Variants in UST observed in about 807,000 individuals in gnomAD.
The protein encoded by UST is uronyl 2-sulfotransferase.
A neutral mutation model predicts 45.6 loss-of-function variants in UST; 21 were observed. The observed-to-expected ratio is 0.46, with a 90% CI of 0.33 to 0.66. The LOEUF (loss-of-function observed/expected upper bound fraction) is 0.66, where lower values mean the gene tolerates loss of function less well. UST is among the 30% of genes least tolerant of loss of function. The pLI is 0.02. For missense variants in UST, 463 were observed against 512.4 expected (o/e 0.90, Z 0.93); for synonymous variants, 215 against 200.6 (o/e 1.07, Z -0.61).
At chr6:148,911,193 G>T (rs545187106) in intron 2 of UST, among the ~76,000 whole-genome samples, 3 of 152,234 alleles carry the variant, frequency 2.0e-5, no homozygotes, top group South Asian at 2.1e-4. Context: ...CCCCAGGATC[G>T]TGTGTCTGAG....
intron 5 of UST, 39 bp downstream of exon 5, chr6:148,964,602 C>T: frequency 6.2e-7 from 1 of 1,607,252 alleles, no homozygotes; most frequent in South Asian, 1.1e-5. Flanking sequence ...CTCCCCACTG[C>T]CTGAGGAGTG....
intron 7 of UST, among the ~76,000 whole-genome samples, chr6:149,041,883 C>T (rs1776319854): frequency 6.6e-6 from 1 of 152,174 alleles, no homozygotes; most frequent in Admixed American, 6.5e-5. Context: ...CCTAATAGAT[C>T]ATTCTAGAAC....
At chr6:148,795,661 C>T (rs773328439) in intron 1 of UST, among the ~76,000 whole-genome samples, 7 of 152,110 alleles carry the variant, frequency 4.6e-5, no homozygotes, top group Non-Finnish European at 5.9e-5. Context: ...GTGGGATGGG[C>T]GTGGGTCTGT....
intron 1 of UST, among the ~76,000 whole-genome samples, chr6:148,796,617 CTG>C (rs1395432774): frequency 1.1e-5 from 1 of 87,916 alleles, no homozygotes. Context: ...GGGCAAGACT[CTG>C]TCTCAAAAAA....
intron 1 of UST, among the ~76,000 whole-genome samples, chr6:148,884,580 G>T (rs1268781122): frequency 6.6e-6 from 1 of 152,114 alleles, no homozygotes; most frequent in African/African-American, 2.4e-5. Context: ...GTGGTGGCTA[G>T]TGGTGCATGG....
chr6:148,750,002 T>C (rs550723672), intron 1 of UST, among the ~76,000 whole-genome samples: 1 of 152,364 alleles, frequency 6.6e-6, no homozygotes, highest in Admixed American at 6.5e-5. Context: ...ATAAGGCCAC[T>C]GTGTCTGCAG....
At chr6:148,831,914 G>A (rs1447634708) in intron 1 of UST, among the ~76,000 whole-genome samples, 1 of 152,228 alleles carries the variant, frequency 6.6e-6, no homozygotes, top group African/African-American at 2.4e-5. Flanking sequence ...TTGACTCACT[G>A]CAGTTAAACT....
chr6:148,886,972 C>A lies in UST; in HGVS notation c.248-14C>A, dbSNP rs1439525853. 2 of 1,609,840 alleles carry A rather than the reference C, an allele frequency of 1.2e-6. No homozygotes were observed. Among genetic ancestry groups the A allele is most frequent in the South Asian group, 2.2e-5 (2 of 90,184 alleles). On this transcript the variant is annotated splice_polypyrimidine_tract_variant and intron_variant, in intron 1 of 7. Transcript: ENST00000367463. Reference sequence around the variant, plus strand: ...TAAAAAACGGATTCATCAACTTTTTCCTTTATTTTCTAGGAAATTCCACTT... The same window carrying A: ...TAAAAAACGGATTCATCAACTTTTTACTTTATTTTCTAGGAAATTCCACTT...
At chr6:148,915,737 G>C (rs1244560520) in intron 2 of UST, among the ~76,000 whole-genome samples, 1 of 152,180 alleles carries the variant, frequency 6.6e-6, no homozygotes, top group African/African-American at 2.4e-5. Flanking sequence ...ATGAAAAATA[G>C]GGGAATGCAT....
chr6:149,061,989 T>A (rs567392300), intron 7 of UST, among the ~76,000 whole-genome samples: 1 of 152,334 alleles, frequency 6.6e-6, no homozygotes, highest in East Asian at 1.9e-4. Context: ...CAAATAAATG[T>A]CTTTTTACCC....
chr6:149,072,324 T>C (rs1776831029), intron 7 of UST, among the ~76,000 whole-genome samples: 1 of 152,188 alleles, frequency 6.6e-6, no homozygotes, highest in South Asian at 2.1e-4. Flanking sequence ...AATTGCGTTC[T>C]ATCTATACAA....
At chr6:148,774,561 G>A (rs924798509) in intron 1 of UST, among the ~76,000 whole-genome samples, 12 of 152,140 alleles carry the variant, frequency 7.9e-5, no homozygotes, top group Non-Finnish European at 1.6e-4. Flanking sequence ...GTTTTGTCAT[G>A]TAGAAATAGA....
rs1419092931 is a variant in UST, at chr6:148,790,781, C to G, written c.247+43104C>G. 6.6e-6 allele frequency among the ~76,000 whole-genome samples: 1 copy of G among 152,198 alleles called. No individual in the cohort carries two copies. Among genetic ancestry groups the G allele is most frequent in the Non-Finnish European group, 1.5e-5 (1 of 68,034 alleles). On this transcript the variant is annotated intron_variant, in intron 1 of 7. Coordinates refer to ENST00000367463, the MANE Select transcript of UST (RefSeq NM_005715.3). The surrounding 1 kb of genome is among the most constrained non-coding windows in gnomAD (Gnocchi z 4.2). ...GGGATACAAAGGTCTGATCCCCTTG[C>G]GTCAATCTGGGACAACTCTGATGGG...
intron 7 of UST, among the ~76,000 whole-genome samples, chr6:149,041,483 G>T (rs17081680): frequency 0.038 from 5,841 of 152,238 alleles, 371 homozygotes; most frequent in African/African-American, 0.13. Flanking sequence ...TCTACCTTTT[G>T]TCCCCTTGTC....
Position 148,906,716 on chromosome 6 carries a change from G to A in UST, c.291+19687G>A, listed in dbSNP as rs568338820. On this transcript the variant is annotated intron_variant, in intron 2 of 7. Transcript: ENST00000367463. ...TAACTGTGATTTGGGACAGATTTCA[G>A]AATTTCTGCTGTCCTGTTTCCTCAT... Among the ~76,000 whole-genome samples the A allele has an allele frequency of 2.8e-4, 42 of 152,256 alleles. 3 individuals carry two copies. The South Asian group carries it at 8.7e-3, about 32-fold the overall frequency.
At position 148,858,032 on chromosome 6, in the gene UST, A is replaced by G. The variant is rs117154068; in HGVS notation, c.248-28954A>G. On this transcript the variant is annotated intron_variant, in intron 1 of 7. Coordinates refer to ENST00000367463, the MANE Select transcript of UST (RefSeq NM_005715.3). ...ATTATAGAATATATTGTGTAATGCA[A>G]ACATACACAATGCCTTCTAAGACTG... is the stretch of plus-strand genomic sequence containing the variant. 2.2e-3 allele frequency among the ~76,000 whole-genome samples: 331 copies of G among 152,346 alleles called. 11 individuals are homozygous for G. In the East Asian group the frequency reaches 0.056, roughly 26 times the overall value.
rs1775934203 is a variant in UST at position 148,748,929 on chromosome 6, A to G, written c.247+1252A>G. 6.6e-6 allele frequency among the ~76,000 whole-genome samples: 1 copy of G among 151,986 alleles called. No individual in the cohort carries two copies. The highest frequency in any genetic ancestry group is 6.6e-5 in the Admixed American group (1 of 15,256). ...GGAGAAAAGAGAAAAGAAAAGGAAA[A>G]AAAAAAAACCCAAAACAAACAAACA... On this transcript the variant is annotated intron_variant, in intron 1 of 7. Coordinates refer to ENST00000367463, the MANE Select transcript of UST (RefSeq NM_005715.3). This position sits in a 1 kb window ranked among gnomAD's most constrained non-coding sequence, Gnocchi z 5.3.
intron 1 of UST, among the ~76,000 whole-genome samples, chr6:148,873,353 C>G (rs187153045): frequency 5.9e-5 from 9 of 152,212 alleles, no homozygotes; most frequent in Middle Eastern, 6.8e-3. Flanking sequence ...CCCTCTCCAC[C>G]CCCTGTTATC....
At chr6:148,856,635 C>G (rs963459865) in intron 1 of UST, among the ~76,000 whole-genome samples, 2 of 152,188 alleles carry the variant, frequency 1.3e-5, no homozygotes, top group Admixed American at 1.3e-4. Flanking sequence ...CCCACATAAT[C>G]TCTTGTGGGA....
Sources: allele counts gnomAD v4.1 joint callset (sites outside exome capture counted in the v4.1 genomes callset), GRCh38; gene constraint gnomAD v4.1.1; non-coding constraint Gnocchi (gnomAD v3.1); transcripts MANE v1.5; gene names NCBI Gene and HGNC (gene_info 2026-07-23, HGNC 2026-07-21).